The following KCTD3 variants were observed in gnomAD, a reference collection of about 807,000 sequenced individuals.
KCTD3 encodes the protein BTB/POZ domain-containing protein KCTD3.
KCTD3 carries 41 observed loss-of-function variants against 85.8 expected under a neutral mutation model. The ratio of observed to expected loss-of-function variants is 0.48; its 90% CI spans 0.37 to 0.62. The LOEUF (loss-of-function observed/expected upper bound fraction) is 0.62, where lower values mean the gene tolerates loss of function less well. Ranked by LOEUF, KCTD3 falls within the 20% of genes least tolerant of loss-of-function variation. KCTD3 has a pLI of 0.00. For synonymous variants in KCTD3, 338 were observed against 345.4 expected, an observed-to-expected ratio of 0.98 and a Z score of 0.24; for missense variants, 724 against 989.9, an observed-to-expected ratio of 0.73 and a Z score of 3.60.
At position 215,577,582 on chromosome 1, in the gene KCTD3, A is replaced by G. The variant is rs895705119; in HGVS notation, c.258-88A>G. ...TTTTTAAAGCCTTATGACTATATAC[A>G]TGAAGAACCTAGAATTTTTTCCTTT... is the stretch of plus-strand genomic sequence containing the variant. On this transcript the variant is annotated intron_variant, in intron 4 of 17. Coordinates refer to ENST00000259154, the MANE Select transcript of KCTD3 (RefSeq NM_016121.5). 1.2e-4 allele frequency: 96 copies of G among 809,114 alleles called. 1 individual carries two copies. In the Middle Eastern group the frequency reaches 1.5e-3, roughly 12 times the overall value. The allele number at this position is 809,114 out of a possible 1,614,324, so 50.1% of individuals were successfully genotyped here.
intron 8 of KCTD3, among the ~76,000 whole-genome samples, 167 bp downstream of exon 8, chr1:215,580,166 T>G (rs1659765313): frequency 6.6e-6 from 1 of 152,250 alleles, no homozygotes. Flanking sequence ...GTACTTTTAT[T>G]TTCACAGCTA....
Position 215,574,058 on chromosome 1 carries a change from A to G in KCTD3, c.138-15A>G, listed in dbSNP as rs1187455332. 7 of 1,573,330 alleles carry G rather than the reference A, an allele frequency of 4.4e-6. No individual in the cohort carries two copies. The highest frequency in any genetic ancestry group is 3.5e-5 in the South Asian group (3 of 86,150). On this transcript the variant is annotated splice_polypyrimidine_tract_variant and intron_variant, in intron 2 of 17. Transcript: ENST00000259154. ...AGATTTTAAAAACTAACTTTAGATT[A>G]TTAATGACTTCCAGTTTGCTGAGTG... is the stretch of plus-strand genomic sequence containing the variant.
intron 10 of KCTD3, among the ~76,000 whole-genome samples, chr1:215,598,641 G>A (rs1370753446): frequency 6.6e-6 from 1 of 151,952 alleles, no homozygotes; most frequent in Non-Finnish European, 1.5e-5. Flanking sequence ...TGTATTGAAG[G>A]AATAGGACAA....
chr1:215,604,437 A>G lies in KCTD3; in HGVS notation c.1309+135A>G, dbSNP rs1654937946. On this transcript the variant is annotated intron_variant, in intron 13 of 17. Coordinates refer to ENST00000259154, the MANE Select transcript of KCTD3 (RefSeq NM_016121.5). ...GAAAAGTTTAATGACTGAAGAAATT[A>G]TGATTGTCTTTTAAAGATTTCTTTG... 6 of 688,114 alleles carry G rather than the reference A, an allele frequency of 8.7e-6. No homozygotes were observed. The Admixed American group carries it at 1.2e-4, about 13-fold the overall frequency. 42.6% of individuals were successfully genotyped at this position (688,114 alleles called of 1,614,324 possible).
At chr1:215,584,196 T>A (rs916588347) in intron 8 of KCTD3, among the ~76,000 whole-genome samples, 1 of 152,092 alleles carries the variant, frequency 6.6e-6, no homozygotes, top group African/African-American at 2.4e-5. Context: ...GCAGGATGAG[T>A]CCAAATTGCA....
intron 13 of KCTD3, 116 bp downstream of exon 13, chr1:215,604,418 T>C (rs1315891460): frequency 4.0e-6 from 3 of 758,166 alleles, no homozygotes; most frequent in Non-Finnish European, 6.4e-6. Context: ...ACTAGAAAAG[T>C]TTAATGACTG....
At chr1:215,587,162 C>T (rs1283478315) in intron 9 of KCTD3, among the ~76,000 whole-genome samples, 1 of 150,378 alleles carries the variant, frequency 6.6e-6, no homozygotes, top group Non-Finnish European at 1.5e-5. Context: ...CTGAGTCTCG[C>T]TCTGTCGCCC....
intron 1 of KCTD3, 53 bp downstream of exon 1, chr1:215,567,821 T>A: frequency 8.8e-7 from 1 of 1,142,608 alleles, no homozygotes; most frequent in Non-Finnish European, 1.1e-6. Flanking sequence ...GGCCTCCTCC[T>A]TTGGTGTCGA....
At chr1:215,577,787 A>T in intron 5 of KCTD3, 59 bp downstream of exon 5, 1 of 1,354,912 alleles carries the variant, frequency 7.4e-7, no homozygotes, top group Non-Finnish European at 1.1e-6. Context: ...AAGTTGCCCT[A>T]AATGAAATGT....
At chr1:215,599,975 T>G (rs998504665) in intron 10 of KCTD3, among the ~76,000 whole-genome samples, 6 of 151,516 alleles carry the variant, frequency 4.0e-5, no homozygotes, top group Admixed American at 1.3e-4. Context: ...CCATGAAGAA[T>G]CTGGGGCAGG....
At chr1:215,578,114 T>A in intron 6 of KCTD3, 33 bp downstream of exon 6, 9 of 1,582,530 alleles carry the variant, frequency 5.7e-6, no homozygotes, top group Non-Finnish European at 7.8e-6. Context: ...TTTAAAAAAT[T>A]CCTTGTATCA....
At chr1:215,603,315 A>G (rs536262303) in intron 12 of KCTD3, among the ~76,000 whole-genome samples, 16 of 152,238 alleles carry the variant, frequency 1.1e-4, no homozygotes, top group South Asian at 4.1e-4. Context: ...CTTTGATTCA[A>G]GTATTTTCAG....
intron 9 of KCTD3, among the ~76,000 whole-genome samples, chr1:215,591,618 T>C (rs1660225982): frequency 6.6e-6 from 1 of 152,076 alleles, no homozygotes; most frequent in African/African-American, 2.4e-5. Context: ...GCCTCCGAAG[T>C]GCTGGGATTA....
intron 9 of KCTD3, among the ~76,000 whole-genome samples, chr1:215,593,241 T>TTG (rs1284737917): frequency 2.0e-5 from 3 of 152,036 alleles, no homozygotes; most frequent in Non-Finnish European, 4.4e-5. Flanking sequence ...GGACTTAGCT[T>TTG]TGTGTGTGTG....
At chr1:215,610,106 T>A (rs1655171026) in intron 14 of KCTD3, among the ~76,000 whole-genome samples, 2 of 151,866 alleles carry the variant, frequency 1.3e-5, no homozygotes, top group South Asian at 4.1e-4. Context: ...AATATATATA[T>A]CTTCATAGAC....
Position 215,567,618 on chromosome 1 carries a change from C to A in KCTD3, c.-68C>A. On this transcript the variant is annotated 5_prime_UTR_variant, in exon 1 of 18. Coordinates refer to ENST00000259154, the MANE Select transcript of KCTD3 (RefSeq NM_016121.5). ...CTGCAGCCGTCGCCGCTGCCTCGGG[C>A]TACAGCCCCGGGCTCGGCGGTCCCG... The A allele has an allele frequency of 9.6e-7, 1 of 1,038,832 alleles. No individual in the cohort carries two copies. Among genetic ancestry groups the A allele is most frequent in the Non-Finnish European group, 1.2e-6 (1 of 822,540 alleles). 64.4% of individuals were successfully genotyped at this position (1,038,832 alleles called of 1,614,324 possible).
chr1:215,618,563 T>G (rs1208873630), intron 15 of KCTD3: 1 of 211,728 alleles, frequency 4.7e-6, no homozygotes, highest in Non-Finnish European at 9.2e-6. Flanking sequence ...ATCCCATTGT[T>G]TCCTGATCCG....
At chr1:215,583,681 A>G (rs780267273) in intron 8 of KCTD3, among the ~76,000 whole-genome samples, 1 of 152,018 alleles carries the variant, frequency 6.6e-6, no homozygotes, top group Non-Finnish European at 1.5e-5. Flanking sequence ...CTTCCCTTTT[A>G]CAAGGGTACT....
At chr1:215,617,432 T>C (rs1226968386) in intron 15 of KCTD3, among the ~76,000 whole-genome samples, 1 of 152,094 alleles carries the variant, frequency 6.6e-6, no homozygotes, top group African/African-American at 2.4e-5. Flanking sequence ...TTAAATTGAG[T>C]TAGAGGACAC....
Sources: allele counts gnomAD v4.1 joint callset (sites outside exome capture counted in the v4.1 genomes callset), GRCh38; gene constraint gnomAD v4.1.1; transcripts MANE v1.5; gene names NCBI Gene and HGNC (gene_info 2026-07-23, HGNC 2026-07-21).